Variants in OSMR observed in about 807,000 individuals in gnomAD.
OSMR encodes oncostatin M receptor.
A neutral mutation model predicts 99.9 loss-of-function variants in OSMR; 81 were observed. That is an observed-to-expected ratio of 0.81 (90% CI 0.68 to 0.97). The LOEUF is 0.97. Ranked by LOEUF, OSMR falls within the 50% of genes least tolerant of loss-of-function variation. OSMR has a pLI of 0.00. For synonymous variants in OSMR, 406 were observed against 410.4 expected, an observed-to-expected ratio of 0.99 and a Z score of 0.13; for missense variants, 1,099 against 1,153.4, an observed-to-expected ratio of 0.95 and a Z score of 0.68.
chr5:38,944,768 TTAAC>T (rs1288665872), intron 2 of OSMR: 3 of 863,650 alleles, frequency 3.5e-6, no homozygotes, highest in Non-Finnish European at 5.5e-6. Flanking sequence ...GGTGCAATAA[TTAAC>T]AGTGTTAAAT....
Position 38,919,271 on chromosome 5 carries a change from C to G in OSMR, c.1585+209C>G, listed in dbSNP as rs1180181063. On this transcript the variant is annotated intron_variant, in intron 11 of 17. Coordinates refer to ENST00000274276, the MANE Select transcript of OSMR (RefSeq NM_003999.3). Reference sequence around the variant, plus strand: ...GGGGAGAAGGAGACTTCAGCCATGGCTCAGGACATTTCTGTCCAGGGGATT... The same window carrying G: ...GGGGAGAAGGAGACTTCAGCCATGGGTCAGGACATTTCTGTCCAGGGGATT... 3.3e-6 allele frequency: 5 copies of G among 1,509,398 alleles called. No homozygotes were observed. The Admixed American group carries it at 1.0e-4, about 30-fold the overall frequency. The allele number at this position is 1,509,398 out of a possible 1,614,324, so 93.5% of individuals were successfully genotyped here.
At chr5:38,859,989 G>A (rs531376037) in intron 1 of OSMR, among the ~76,000 whole-genome samples, 3 of 152,202 alleles carry the variant, frequency 2.0e-5, no homozygotes, top group African/African-American at 7.2e-5. Flanking sequence ...TGGAGTCTAG[G>A]TTTTTATATA....
chr5:38,919,509 C>A, intron 11 of OSMR: 2 of 410,278 alleles, frequency 4.9e-6, no homozygotes, highest in Non-Finnish European at 8.4e-6. Context: ...CATCAACTTT[C>A]ACCACAGACT....
chr5:38,924,296 C>A, intron 13 of OSMR, 126 bp from the exon 14 acceptor site: 1 of 1,540,320 alleles, frequency 6.5e-7, no homozygotes, highest in Admixed American at 2.0e-5. Flanking sequence ...ACAGATAAAA[C>A]TCCTTAACTT....
rs1746895726 is a variant in OSMR, at chr5:38,933,836, T to C, written c.*392T>C. The C allele has an allele frequency of 5.0e-6, 1 of 199,914 alleles. No homozygotes were observed. The highest frequency in any genetic ancestry group is 2.3e-5 in the African/African-American group (1 of 43,082). 12.4% of individuals were successfully genotyped at this position (199,914 alleles called of 1,614,324 possible). A position where few individuals can be genotyped will look rare whatever the true frequency, so the allele number is the denominator to read the frequency against. On this transcript the variant is annotated 3_prime_UTR_variant, in exon 18 of 18. Transcript: ENST00000274276. ...GAAATATTTCCATTAACAGCAATTA[T>C]TATATTGAAGGCTTTAATAAAGGCC... is the stretch of plus-strand genomic sequence containing the variant.
intron 9 of OSMR, chr5:38,917,300 T>C (rs1745961291): frequency 2.7e-6 from 1 of 374,754 alleles, no homozygotes; most frequent in Non-Finnish European, 3.7e-6. Flanking sequence ...GTTGTATGGC[T>C]TGATGTTTAT....
chr5:38,885,308 T>C (rs1247785279), intron 5 of OSMR, 41 bp from the exon 6 acceptor site: 1 of 1,612,540 alleles, frequency 6.2e-7, no homozygotes, highest in Admixed American at 1.7e-5. Context: ...TATCTTCCAA[T>C]AAAAAGATTT....
chr5:38,873,591 A>G (rs1478531626), intron 2 of OSMR, among the ~76,000 whole-genome samples: 1 of 152,134 alleles, frequency 6.6e-6, no homozygotes, highest in Non-Finnish European at 1.5e-5. Flanking sequence ...GCCATTTTAC[A>G]TTCCTACCGG....
downstream of OSMR, among the ~76,000 whole-genome samples, chr5:38,936,501 G>C (rs1454168537): frequency 6.6e-6 from 1 of 152,154 alleles, no homozygotes; most frequent in Non-Finnish European, 1.5e-5. Context: ...TGGGAGTTGG[G>C]ACCTCTTCAC....
intron 2 of OSMR, chr5:38,944,621 A>G: frequency 7.0e-7 from 1 of 1,428,554 alleles, no homozygotes; most frequent in Non-Finnish European, 9.6e-7. Context: ...CAATAAAATG[A>G]TTAAAACTCA....
chr5:38,854,100 A>T (rs1321246166), intron 1 of OSMR, among the ~76,000 whole-genome samples: 1 of 152,126 alleles, frequency 6.6e-6, no homozygotes, highest in Admixed American at 6.5e-5. Flanking sequence ...AAGAAGTAGC[A>T]TTCAACTCTT....
rs371267287 is a variant in OSMR, at chr5:38,885,427, C to T, written c.782C>T (p.Thr261Met). The change falls in exon 6 of 18, where the codon ACG becomes ATG. Residue 261 changes from threonine (T) to methionine (M), a missense_variant. By Grantham distance (81) the Thr-to-Met change is moderately conservative. Transcript: ENST00000274276. ...TTGCACTGTACTTGGGATCCTGGGA[C>T]GGACACTGCCTTGGGGTGGTCTAAA... is the stretch of plus-strand genomic sequence containing the variant. Reference protein sequence around the residue: ...KTLHCTWDPGTDTALGWSKQP... With the variant: ...KTLHCTWDPGMDTALGWSKQP... The T allele has an allele frequency of 1.7e-5, 27 of 1,613,842 alleles. No homozygotes were observed. The highest frequency in any genetic ancestry group is 2.2e-5 in the East Asian group (1 of 44,898).
At chr5:38,861,025 G>T (rs535016326) in intron 1 of OSMR, among the ~76,000 whole-genome samples, 2 of 152,260 alleles carry the variant, frequency 1.3e-5, no homozygotes, top group South Asian at 2.1e-4. Context: ...TTTTTCCAAA[G>T]AAAATTTCCA....
At chr5:38,944,063 T>C in intron 1 of OSMR, 1 of 348,556 alleles carries the variant, frequency 2.9e-6, no homozygotes, top group East Asian at 7.8e-5. Context: ...GAAATTAAAA[T>C]TGAGAGAATT....
At position 38,932,372 on chromosome 5, in the gene OSMR, A is replaced by C; in HGVS notation, c.2295-91A>C. 4.4e-6 allele frequency: 4 copies of C among 910,532 alleles called. No individual in the cohort carries two copies. The Admixed American group carries it at 5.3e-5, about 12-fold the overall frequency. 56.4% of individuals were successfully genotyped at this position (910,532 alleles called of 1,614,324 possible). A position where few individuals can be genotyped will look rare whatever the true frequency, so the allele number is the denominator to read the frequency against. On this transcript the variant is annotated intron_variant, in intron 16 of 17. Transcript: ENST00000274276. Reference sequence around the variant, plus strand: ...TTGCTTAATAAGTTACAACGCAAGGATTAGAAGCCAGGAATCTGACTCCAG... The same window carrying C: ...TTGCTTAATAAGTTACAACGCAAGGCTTAGAAGCCAGGAATCTGACTCCAG...
intron 1 of OSMR, among the ~76,000 whole-genome samples, chr5:38,851,064 C>G (rs948038949): frequency 4.6e-5 from 7 of 152,128 alleles, no homozygotes; most frequent in African/African-American, 1.7e-4. Context: ...TTTTTCAAGT[C>G]TGTTCAATAC....
At chr5:38,899,024 G>A (rs907798945) in intron 7 of OSMR, among the ~76,000 whole-genome samples, 51 of 142,138 alleles carry the variant, frequency 3.6e-4, no homozygotes, top group African/African-American at 1.4e-3. Flanking sequence ...GCAGTGGTGC[G>A]ATTTTAGCTC....
At chr5:38,945,479 G>A (rs370682980), downstream of OSMR, 46 of 1,562,218 alleles carry the variant, frequency 2.9e-5, 1 homozygote, top group East Asian at 6.1e-4. Context: ...AAGGTGGGAC[G>A]TGATCACTTA....
chr5:38,891,977 T>G (rs1391438378), intron 7 of OSMR, among the ~76,000 whole-genome samples: 1 of 152,086 alleles, frequency 6.6e-6, no homozygotes, highest in South Asian at 2.1e-4. Flanking sequence ...GCAAGGCTCA[T>G]GGCTTGGGCT....
Sources: gnomAD v4.1 joint callset for allele counts (sites outside exome capture counted in the v4.1 genomes callset) on GRCh38, gnomAD v4.1.1 for gene constraint, MANE v1.5 for transcripts, NCBI Gene and HGNC (gene_info 2026-07-23, HGNC 2026-07-21) for gene names.